PID1: variants seen among roughly 807,000 people sequenced by gnomAD.
PID1 encodes the protein PTB-containing, cubilin and LRP1-interacting protein.
A neutral mutation model predicts 19.1 loss-of-function variants in PID1; 10 were observed. The ratio of observed to expected loss-of-function variants is 0.52; its 90% CI spans 0.32 to 0.89. PID1 has a LOEUF of 0.89. Ranked by LOEUF, PID1 falls within the 40% of genes least tolerant of loss-of-function variation. PID1 has a pLI of 0.03. For missense variants in PID1, 248 were observed against 285.3 expected (o/e 0.87, Z 0.94); for synonymous variants, 130 against 116.0 (o/e 1.12, Z -0.78).
At chr2:229,105,015 A>T (rs747694012) in intron 2 of PID1, among the ~76,000 whole-genome samples, 1 of 152,224 alleles carries the variant, frequency 6.6e-6, no homozygotes, top group Non-Finnish European at 1.5e-5. Flanking sequence ...CCAAGCAGCA[A>T]ACAGAATTTG....
Position 229,145,155 on chromosome 2 carries a change from G to GTATATATATATA in PID1, c.177+10651_177+10662dup, listed in dbSNP as rs5839309. 2.2e-3 allele frequency among the ~76,000 whole-genome samples: 266 copies of GTATATATATATA among 119,876 alleles called. 2 individuals are homozygous for GTATATATATATA. Among genetic ancestry groups the GTATATATATATA allele is most frequent in the East Asian group, 6.3e-3 (26 of 4,110 alleles). 78.6% of individuals were successfully genotyped at this position (119,876 alleles called of 152,430 possible). ...ATGCTGAGTTTAAATATATGTATGT[G>GTATATATATATA]TATATATATATATATATATATATAT... On this transcript the variant is annotated intron_variant, in intron 2 of 2. Coordinates refer to ENST00000392055, the MANE Select transcript of PID1 (RefSeq NM_001100818.2).
Position 229,155,908 on chromosome 2 carries a change from A to C in PID1, c.87T>G (p.Pro29=). ...GCTCATGGAAGATGACCGCTGGGAGAGGTTCCTTTTTCAGTGTTAAGACAT... is the reference window on the plus strand; with the variant it reads ...GCTCATGGAAGATGACCGCTGGGAGCGGTTCCTTTTTCAGTGTTAAGACAT... The part of the protein sequence containing the change: ...KLNVLTLKKE[P]LPAVIFHEPE... The change falls in exon 2 of 3, where the codon CCT becomes CCG. Residue 29 remains proline, a synonymous_variant. Transcript: ENST00000392055. 6.2e-7 allele frequency: 1 copy of C among 1,613,914 alleles called. No individual in the cohort carries two copies. Among genetic ancestry groups the C allele is most frequent in the Non-Finnish European group, 8.5e-7 (1 of 1,179,958 alleles).
At chr2:229,091,717 G>C (rs1395253877) in intron 2 of PID1, among the ~76,000 whole-genome samples, 1 of 152,178 alleles carries the variant, frequency 6.6e-6, no homozygotes, top group African/African-American at 2.4e-5. Flanking sequence ...CCCAGGCTAA[G>C]GTATTTTGTA....
chr2:229,155,985 C>T (rs1343623798), intron 1 of PID1, 21 bp from the exon 2 acceptor site: 3 of 1,609,064 alleles, frequency 1.9e-6, no homozygotes, highest in East Asian at 2.2e-5. Flanking sequence ...GAAAAATAAG[C>T]CACATGTAGT....
At chr2:229,193,688 G>A (rs114826621) in intron 1 of PID1, among the ~76,000 whole-genome samples, 2,037 of 151,790 alleles carry the variant, frequency 0.013, 35 homozygotes, top group African/African-American at 0.046. Flanking sequence ...GTGTGAGAGA[G>A]TATGTGTGTG....
At chr2:229,246,819 T>C (rs1410591852) in intron 1 of PID1, among the ~76,000 whole-genome samples, 1 of 152,148 alleles carries the variant, frequency 6.6e-6, no homozygotes, top group Non-Finnish European at 1.5e-5. Flanking sequence ...TCCAGCTGGG[T>C]TGGTCAGCAC....
intron 2 of PID1, among the ~76,000 whole-genome samples, chr2:229,131,106 T>A (rs185006026): frequency 6.6e-6 from 1 of 152,346 alleles, no homozygotes; most frequent in East Asian, 1.9e-4. Context: ...ATGCTCACAT[T>A]CTGAGGTACT....
chr2:229,033,118 G>A (rs1693590647), intron 2 of PID1, among the ~76,000 whole-genome samples: 2 of 152,146 alleles, frequency 1.3e-5, no homozygotes. Flanking sequence ...GTGGCCGGTC[G>A]CTATTTCATT....
intron 1 of PID1, among the ~76,000 whole-genome samples, chr2:229,243,974 T>C (rs889006775): frequency 6.6e-6 from 1 of 152,188 alleles, no homozygotes; most frequent in Non-Finnish European, 1.5e-5. Flanking sequence ...CAAAGGTTAA[T>C]ATTGGATACT....
At chr2:229,168,550 T>C (rs190421884) in intron 1 of PID1, among the ~76,000 whole-genome samples, 6 of 152,314 alleles carry the variant, frequency 3.9e-5, no homozygotes, top group Admixed American at 3.3e-4. Context: ...GTTTCTTACA[T>C]GGTTTTTATC....
rs1032632357 is a variant in PID1, at chr2:229,082,620, G to A, written c.178-56512C>T. On this transcript the variant is annotated intron_variant, in intron 2 of 2. Coordinates refer to ENST00000392055, the MANE Select transcript of PID1 (RefSeq NM_001100818.2). ...CTGGTTTGAGGATGGATGGAGTCAT[G>A]TGAAAAGGGATGCAGCTGGCCTTTA... Among the ~76,000 whole-genome samples the A allele has an allele frequency of 1.4e-4, 21 of 152,228 alleles. 1 individual carries two copies. Among genetic ancestry groups the A allele is most frequent in the African/African-American group, 5.1e-4 (21 of 41,462 alleles).
intron 1 of PID1, among the ~76,000 whole-genome samples, chr2:229,250,100 G>A (rs1474553671): frequency 6.6e-6 from 1 of 152,174 alleles, no homozygotes; most frequent in Non-Finnish European, 1.5e-5. Flanking sequence ...ACTGATATTT[G>A]AGTTAATTTG....
rs187287695 is a variant in PID1 at position 229,262,649 on chromosome 2, G to T, written c.30+8365C>A. The T allele has an allele frequency of 2.2e-5, 34 of 1,548,314 alleles. No homozygotes were observed. The African/African-American group carries it at 4.1e-4, about 19-fold the overall frequency. ...TGTTGTAACAAATAACCATAAACTG[G>T]GTAGCTTAAAACAACAGAAATTTAA... On this transcript the variant is annotated intron_variant, in intron 1 of 2. Coordinates refer to ENST00000392055, the MANE Select transcript of PID1 (RefSeq NM_001100818.2).
Position 229,155,872 on chromosome 2 carries a change from A to G in PID1, c.123T>C (p.Ile41=). ...TCAGCGGTGTGGTCGTGCACAGCTC[A>G]ATGGCCTCCGGCTCATGGAAGATGA... is the stretch of plus-strand genomic sequence containing the variant. ...PAVIFHEPEA[I]ELCTTTPLMK... is the part of the protein sequence containing the mutation. Residue 41 remains isoleucine, a synonymous_variant, in exon 2 of 3, where the codon ATT becomes ATC. Coordinates refer to ENST00000392055, the MANE Select transcript of PID1 (RefSeq NM_001100818.2). 1 of 1,613,914 alleles carries G rather than the reference A, an allele frequency of 6.2e-7. No individual in the cohort carries two copies. Among genetic ancestry groups the G allele is most frequent in the Non-Finnish European group, 8.5e-7 (1 of 1,179,994 alleles).
intron 2 of PID1, among the ~76,000 whole-genome samples, chr2:229,128,899 T>C (rs961512920): frequency 2.0e-5 from 3 of 152,208 alleles, no homozygotes; most frequent in African/African-American, 7.2e-5. Context: ...TGCAATTGGA[T>C]TGTTTGCAAC....
intron 2 of PID1, among the ~76,000 whole-genome samples, chr2:229,128,591 C>CAA (rs1453961263): frequency 1.3e-5 from 2 of 152,062 alleles, no homozygotes; most frequent in Admixed American, 6.5e-5. Flanking sequence ...GAATATTAGA[C>CAA]AAACGCTATA....
At chr2:229,105,125 C>T (rs1695149089) in intron 2 of PID1, among the ~76,000 whole-genome samples, 1 of 152,168 alleles carries the variant, frequency 6.6e-6, no homozygotes, top group Admixed American at 6.5e-5. Context: ...TTTGAAACAT[C>T]CTTACGCAAG....
intron 2 of PID1, among the ~76,000 whole-genome samples, chr2:229,040,952 C>T (rs1693758696): frequency 6.6e-6 from 1 of 152,084 alleles, no homozygotes; most frequent in Non-Finnish European, 1.5e-5. Context: ...TACACAGAAC[C>T]CTGGGACATT....
At chr2:229,199,068 A>G (rs1387446165) in intron 1 of PID1, among the ~76,000 whole-genome samples, 3 of 151,940 alleles carry the variant, frequency 2.0e-5, no homozygotes, top group Non-Finnish European at 4.4e-5. Flanking sequence ...ACAATGTTCT[A>G]GATACTGTGG....
Sources: allele counts gnomAD v4.1 joint callset (sites outside exome capture counted in the v4.1 genomes callset), GRCh38; gene constraint gnomAD v4.1.1; transcripts MANE v1.5; gene names NCBI Gene and HGNC (gene_info 2026-07-23, HGNC 2026-07-21).